The following OPN4 variants were observed in gnomAD, a reference collection of about 807,000 sequenced individuals.
OPN4 encodes melanopsin.
A neutral mutation model predicts 49.5 loss-of-function variants in OPN4; 43 were observed. The ratio of observed to expected loss-of-function variants is 0.87; its 90% CI spans 0.68 to 1.12. The LOEUF (loss-of-function observed/expected upper bound fraction) is 1.12. Ranked by LOEUF, OPN4 falls within the 50% of genes most tolerant of loss-of-function variation. The probability of loss-of-function intolerance (pLI) is 0.00; values close to 1 mark genes in which losing one functional copy is unlikely to be tolerated. For missense variants in OPN4, 657 were observed against 643.9 expected (o/e 1.02, Z -0.22); for synonymous variants, 263 against 258.0 (o/e 1.02, Z -0.19).
Position 86,663,695 on chromosome 10 carries a change from G to A in OPN4, c.1291G>A (p.Ala431Thr). The change falls in exon 9 of 10, where the codon GCT (alanine) becomes ACT (threonine). Residue 431 changes from alanine to threonine, a missense_variant. By Grantham distance (58) the Ala-to-Thr change is moderately conservative. Transcript: ENST00000241891. ...CATGGAGGCAGCAGCTGTGTGGGGA[G>A]CTGCCCAGCAAGCAAATGGGCGGTC... ...THMEAAAVWG[A>T]AQQANGRSLY... The A allele has an allele frequency of 6.4e-7, 1 of 1,569,508 alleles. No homozygotes were observed. The highest frequency in any genetic ancestry group is 2.3e-5 in the East Asian group (1 of 43,696).
Position 86,663,050 on chromosome 10 carries a change from CG to C in OPN4, c.1255-605del, listed in dbSNP as rs34014374. On this transcript the variant is annotated intron_variant, in intron 8 of 9. Coordinates refer to ENST00000241891, the MANE Select transcript of OPN4 (RefSeq NM_033282.4). ...CCCAGGGATGGGTGTCAACCTTCCT[CG>C]GGGCCAGGTGTGCCCAGGGATGGGT... Among the ~76,000 whole-genome samples, 513 of 152,296 alleles carry C rather than the reference CG, an allele frequency of 3.4e-3. 3 individuals are homozygous for C. Among genetic ancestry groups the C allele is most frequent in the South Asian group, 5.4e-3 (26 of 4,822 alleles).
chr10:86,664,757 C>T (rs964213371), intron 9 of OPN4, among the ~76,000 whole-genome samples: 1 of 152,174 alleles, frequency 6.6e-6, no homozygotes, highest in African/African-American at 2.4e-5. Flanking sequence ...CCCGGGGGCC[C>T]CGCACCCTGT....
At chr10:86,656,461 C>T (rs1280275590) in intron 2 of OPN4, among the ~76,000 whole-genome samples, 161 bp downstream of exon 2, 1 of 152,206 alleles carries the variant, frequency 6.6e-6, no homozygotes, top group Non-Finnish European at 1.5e-5. Context: ...AGGCCCAGAC[C>T]TTCCTGAAGG....
In OPN4 at chr10:86,658,468, G is replaced by C; in HGVS notation, c.425-16G>C. 3.1e-6 allele frequency: 5 copies of C among 1,613,584 alleles called. No homozygotes were observed. The highest frequency in any genetic ancestry group is 4.2e-6 in the Non-Finnish European group (5 of 1,179,660). On this transcript the variant is annotated splice_polypyrimidine_tract_variant and intron_variant, in intron 3 of 9. Coordinates refer to ENST00000241891, the MANE Select transcript of OPN4 (RefSeq NM_033282.4). ...ACCCTCCTCCCCAGGACTCAGAGCA[G>C]GGGCTGTGCCCACAGGCTGCGAGTT...
chr10:86,662,299 T>C lies in OPN4; in HGVS notation c.1121T>C (p.Val374Ala), dbSNP rs1294852038. The change falls in exon 8 of 10, where the codon GTA becomes GCA. Residue 374 changes from valine to alanine, a missense_variant. Transcript: ENST00000241891. Reference protein sequence around the residue: ...HLPCLGVLLGVSRRHSRPYPS... With the variant: ...HLPCLGVLLGASRRHSRPYPS... ...CCCTGCCTGGGGGTGCTGCTGGGTG[T>C]ATCACGCCGGCACAGTCGCCCCTAC... 1.2e-6 allele frequency: 2 copies of C among 1,609,020 alleles called. No individual in the cohort carries two copies. The highest frequency in any genetic ancestry group is 1.7e-6 in the Non-Finnish European group (2 of 1,179,086).
At chr10:86,665,194 G>C (rs756112614) in intron 9 of OPN4, among the ~76,000 whole-genome samples, 1 of 152,106 alleles carries the variant, frequency 6.6e-6, no homozygotes, top group African/African-American at 2.4e-5. Context: ...ATTGGCAGTG[G>C]GGGACATAGG....
At chr10:86,661,503 C>A in intron 7 of OPN4, 115 bp downstream of exon 7, 1 of 736,158 alleles carries the variant, frequency 1.4e-6, no homozygotes, top group Non-Finnish European at 2.2e-6. Context: ...GGGCCACCAG[C>A]AGCTGGGAGC....
intron 7 of OPN4, 32 bp from the exon 8 acceptor site, chr10:86,662,220 C>T (rs1482502113): frequency 4.4e-6 from 7 of 1,596,076 alleles, no homozygotes; most frequent in Middle Eastern, 2.2e-4. Context: ...CTGCCCATCC[C>T]CTGGCCCTAA....
chr10:86,659,491 G>A (rs2132303613), intron 5 of OPN4, 23 bp downstream of exon 5: 5 of 1,611,006 alleles, frequency 3.1e-6, no homozygotes, highest in Non-Finnish European at 4.2e-6. Context: ...CATGGAGGGG[G>A]GCTACAGGAG....
intron 2 of OPN4, among the ~76,000 whole-genome samples, chr10:86,657,641 G>A (rs562995656): frequency 6.6e-6 from 1 of 152,330 alleles, no homozygotes; most frequent in African/African-American, 2.4e-5. Flanking sequence ...GGGACTCAAG[G>A]AAACCAGTGA....
At chr10:86,662,069 C>A (rs1345843190) in intron 7 of OPN4, among the ~76,000 whole-genome samples, 183 bp from the exon 8 acceptor site, 1 of 152,122 alleles carries the variant, frequency 6.6e-6, no homozygotes, top group African/African-American at 2.4e-5. Context: ...CTCTCAATCT[C>A]CCCACCCAGC....
rs202063349 is a variant in OPN4 at position 86,658,488 on chromosome 10, C to T, written c.429C>T (p.Cys143=). Residue 143 remains cysteine, a synonymous_variant, in exon 4 of 10, where the codon TGC becomes TGT. Transcript: ENST00000241891. ...GAGCAGGGGCTGTGCCCACAGGCTG[C>T]GAGTTCTATGCCTTCTGTGGAGCTC... ...YKQWLFGETG[C]EFYAFCGALF... 181 of 1,614,082 alleles carry T rather than the reference C, an allele frequency of 1.1e-4. No homozygotes were observed. In the East Asian group the frequency reaches 3.1e-3, roughly 28 times the overall value.
chr10:86,661,257 G>A (rs1843998283), intron 6 of OPN4, 24 bp from the exon 7 acceptor site: 1 of 1,595,490 alleles, frequency 6.3e-7, no homozygotes, highest in East Asian at 2.2e-5. Flanking sequence ...AGCTAGCTTG[G>A]GGACCACACC....
intron 6 of OPN4, 93 bp downstream of exon 6, chr10:86,660,152 G>A: frequency 7.1e-7 from 1 of 1,416,784 alleles, no homozygotes. Flanking sequence ...CCCAACCCCG[G>A]CCAGCCATCC....
Position 86,656,214 on chromosome 10 carries a change from T to C in OPN4, c.204T>C (p.His68=). ...VPLPTVDVPD[H]AHYTLGTVIL... is the part of the protein sequence containing the mutation. Reference sequence around the variant, plus strand: ...TCCCCACGGTTGATGTTCCAGACCATGCCCACTATACCCTGGGCACAGTGA... The same window carrying C: ...TCCCCACGGTTGATGTTCCAGACCACGCCCACTATACCCTGGGCACAGTGA... Residue 68 remains histidine, a synonymous_variant, in exon 2 of 10, where the codon CAT becomes CAC. Coordinates refer to ENST00000241891, the MANE Select transcript of OPN4 (RefSeq NM_033282.4). The C allele has an allele frequency of 6.2e-7, 1 of 1,614,198 alleles. No individual in the cohort carries two copies.
chr10:86,657,757 TG>T (rs1843904986), intron 2 of OPN4, among the ~76,000 whole-genome samples: 1 of 151,990 alleles, frequency 6.6e-6, no homozygotes, highest in South Asian at 2.1e-4. Flanking sequence ...CCTCAGGTTT[TG>T]GAGAGAAACT....
chr10:86,662,151 C>T (rs562341692), intron 7 of OPN4, 101 bp from the exon 8 acceptor site: 70 of 984,838 alleles, frequency 7.1e-5, no homozygotes, highest in Admixed American at 2.3e-4. Context: ...CAGAGGCTCT[C>T]GGTCACCGCA....
chr10:86,661,107 G>A (rs1186511786), intron 6 of OPN4, among the ~76,000 whole-genome samples, 174 bp from the exon 7 acceptor site: 3 of 138,792 alleles, frequency 2.2e-5, no homozygotes, highest in Non-Finnish European at 3.2e-5. Context: ...CAGCATGGGC[G>A]ACAGAGCAAA....
At chr10:86,664,067 G>T (rs755498300) in intron 9 of OPN4, 1 of 432,134 alleles carries the variant, frequency 2.3e-6, no homozygotes, top group Non-Finnish European at 4.2e-6. Context: ...TGGTGCTGTT[G>T]GCTGTGCTGT....
Sources: allele counts gnomAD v4.1 joint callset (sites outside exome capture counted in the v4.1 genomes callset), GRCh38; gene constraint gnomAD v4.1.1; transcripts MANE v1.5; gene names NCBI Gene and HGNC (gene_info 2026-07-23, HGNC 2026-07-21).